Variants in DGKB observed in about 807,000 individuals in gnomAD.
DGKB encodes the protein diacylglycerol kinase beta, also known as 90 kDa diacylglycerol kinase.
A neutral mutation model predicts 114.3 loss-of-function variants in DGKB; 67 were observed. That is an observed-to-expected ratio of 0.59 (90% CI 0.48 to 0.72). The LOEUF is 0.72. Among genes scored for constraint, DGKB ranks in the 30% least tolerant of loss-of-function variants. The pLI, the probability that DGKB is intolerant of heterozygous loss-of-function variation, is 0.00. For synonymous variants in DGKB, 398 were observed against 323.1 expected (o/e 1.23, Z -2.49); for missense variants, 907 against 975.2 (o/e 0.93, Z 0.93).
chr7:14,600,968 T>C (rs542220685), intron 17 of DGKB, among the ~76,000 whole-genome samples: 110 of 152,218 alleles, frequency 7.2e-4, no homozygotes, highest in Non-Finnish European at 5.3e-4. Context: ...CACTAGGCAT[T>C]GTCCTAGTGG....
chr7:14,810,257 A>G (rs191680465), intron 2 of DGKB, among the ~76,000 whole-genome samples: 66 of 152,308 alleles, frequency 4.3e-4, no homozygotes, highest in Non-Finnish European at 4.4e-5. Flanking sequence ...CAAGTGACCT[A>G]TTGTCTAGTT....
At chr7:14,505,956 T>A (rs1786982487) in intron 20 of DGKB, among the ~76,000 whole-genome samples, 1 of 152,170 alleles carries the variant, frequency 6.6e-6, no homozygotes, top group Admixed American at 6.5e-5. Flanking sequence ...TACCCAGATT[T>A]TTTTTTATAA....
rs972428308 is a variant in DGKB at position 14,968,131 on chromosome 7, T to C, written c.-188+6565A>G. 2.6e-5 allele frequency among the ~76,000 whole-genome samples: 4 copies of C among 152,262 alleles called. No homozygotes were observed. The East Asian group carries it at 7.7e-4, about 29-fold the overall frequency. On this transcript the variant is annotated intron_variant, in intron 1 of 4. Transcript: ENST00000437998. Reference sequence around the variant, plus strand: ...ATTTATATGATCCTCTTTACATCTTTTTATCTCAAGACAAGTTTGATCTTT... The same window carrying C: ...ATTTATATGATCCTCTTTACATCTTCTTATCTCAAGACAAGTTTGATCTTT...
At chr7:14,313,098 A>G (rs1216985906) in intron 23 of DGKB, among the ~76,000 whole-genome samples, 1 of 152,240 alleles carries the variant, frequency 6.6e-6, no homozygotes, top group East Asian at 1.9e-4. Flanking sequence ...TCACATTGCA[A>G]GTAACCTTTA....
chr7:14,268,712 A>T (rs1797871635), intron 23 of DGKB, among the ~76,000 whole-genome samples: 1 of 152,180 alleles, frequency 6.6e-6, no homozygotes, highest in Non-Finnish European at 1.5e-5. Context: ...TTGGCTTAGC[A>T]ATTTAATCTA....
At chr7:14,211,473 CTCTCATGTTTTGTGATATTTACTCTCAT>C (rs1787892581) in intron 23 of DGKB, among the ~76,000 whole-genome samples, 1 of 54,656 alleles carries the variant, frequency 1.8e-5, no homozygotes, top group Non-Finnish European at 3.1e-5. Flanking sequence ...TGTGATTTTA[CTCTCATGTTTTGTGATATTTACTCTCAT>C]GTTTTGTGAT....
chr7:14,896,750 A>T (rs373201934), intron 1 of DGKB, among the ~76,000 whole-genome samples: 1 of 151,834 alleles, frequency 6.6e-6, no homozygotes, highest in Non-Finnish European at 1.5e-5. Flanking sequence ...AATTCATCCA[A>T]ATAGTAAGGA....
At chr7:14,890,088 T>C (rs1780949438) in intron 1 of DGKB, among the ~76,000 whole-genome samples, 2 of 151,552 alleles carry the variant, frequency 1.3e-5, no homozygotes, top group Admixed American at 1.3e-4. Context: ...TTTCATTCCA[T>C]ACAGTTTTCA....
Position 14,951,601 on chromosome 7 carries a change from T to C in DGKB, c.-188+23095A>G, listed in dbSNP as rs188430646. On this transcript the variant is annotated intron_variant, in intron 1 of 4. Coordinates refer to the DGKB transcript ENST00000437998. The stretch of plus-strand genomic sequence containing the variant: ...AATAGTGAATACATATCATTATATA[T>C]TTGTCAAAACCAAAAGAATGTACAA... Among the ~76,000 whole-genome samples, 47 of 152,046 alleles carry C rather than the reference T, an allele frequency of 3.1e-4. 1 individual carries two copies. Among genetic ancestry groups the C allele is most frequent in the African/African-American group, 1.1e-3 (46 of 41,502 alleles).
chr7:14,740,524 T>G lies in DGKB; in HGVS notation c.169-4330A>C, dbSNP rs531152498. ...ATTTGGCTTATGACAAGGAGGCAATTCTTTTGTCCCAAACTCAATTCCAAG... is the reference window on the plus strand; with the variant it reads ...ATTTGGCTTATGACAAGGAGGCAATGCTTTTGTCCCAAACTCAATTCCAAG... On this transcript the variant is annotated intron_variant, in intron 4 of 25. Transcript: ENST00000402815. 2.6e-5 allele frequency among the ~76,000 whole-genome samples: 4 copies of G among 152,298 alleles called. No individual in the cohort carries two copies. The South Asian group carries it at 8.3e-4, about 32-fold the overall frequency.
chr7:14,847,107 G>A (rs1860583), intron 1 of DGKB, among the ~76,000 whole-genome samples: 48,175 of 151,798 alleles, frequency 0.32, 9,646 homozygotes, highest in Non-Finnish European at 0.44. Context: ...TGGCTAACAC[G>A]GTGAAACCCC....
At position 14,147,941 on chromosome 7, in the gene DGKB, G is replaced by A. The variant is rs1781657006; in HGVS notation, c.*1190C>T. On this transcript the variant is annotated 3_prime_UTR_variant, in exon 26 of 26. Transcript: ENST00000402815. ...ATGTCATAAAGATGGGAGTGGAGTA[G>A]GTGAGGAGGAGGGAGCTAATTGCAT... 1 of 152,110 alleles carries A rather than the reference G, an allele frequency of 6.6e-6. No individual in the cohort carries two copies. The highest frequency in any genetic ancestry group is 1.9e-4 in the East Asian group (1 of 5,186). 9.4% of individuals were successfully genotyped at this position (152,110 alleles called of 1,614,324 possible).
chr7:14,646,331 T>C (rs993073113), intron 13 of DGKB, among the ~76,000 whole-genome samples: 2 of 152,094 alleles, frequency 1.3e-5, no homozygotes, highest in Admixed American at 6.6e-5. Flanking sequence ...ATAACAATTA[T>C]AGAAAAGTAA....
At chr7:14,448,947 G>A (rs778418526) in intron 21 of DGKB, among the ~76,000 whole-genome samples, 1 of 152,106 alleles carries the variant, frequency 6.6e-6, no homozygotes, top group African/African-American at 2.4e-5. Context: ...ATTTTCAGCA[G>A]TATGAGCATG....
intron 6 of DGKB, among the ~76,000 whole-genome samples, chr7:14,708,635 G>T (rs937521820): frequency 2.0e-5 from 3 of 151,500 alleles, no homozygotes; most frequent in South Asian, 2.1e-4. Flanking sequence ...CAATGGAACA[G>T]AACAGAGCCC....
At chr7:14,797,712 T>C (rs1269165129) in intron 2 of DGKB, among the ~76,000 whole-genome samples, 5 of 152,086 alleles carry the variant, frequency 3.3e-5, no homozygotes, top group Non-Finnish European at 7.4e-5. Flanking sequence ...GAGCTTGTTC[T>C]ATCCTGTAGT....
At chr7:14,618,139 C>T (rs62445612) in intron 15 of DGKB, among the ~76,000 whole-genome samples, 2,462 of 150,572 alleles carry the variant, frequency 0.016, 31 homozygotes, top group Non-Finnish European at 0.023. Context: ...CACACACACA[C>T]GTACACACAC....
At chr7:14,492,132 T>C (rs1040692795) in intron 20 of DGKB, among the ~76,000 whole-genome samples, 3 of 152,114 alleles carry the variant, frequency 2.0e-5, no homozygotes, top group African/African-American at 7.2e-5. Context: ...ATTGTGTATC[T>C]AGAAAAAAAT....
intron 21 of DGKB, among the ~76,000 whole-genome samples, chr7:14,422,953 G>T (rs1399957573): frequency 6.6e-6 from 1 of 151,892 alleles, no homozygotes; most frequent in Non-Finnish European, 1.5e-5. Flanking sequence ...TTTTGCTAGG[G>T]AAACTAGGCT....
Sources: allele counts gnomAD v4.1 joint callset (sites outside exome capture counted in the v4.1 genomes callset), GRCh38; gene constraint gnomAD v4.1.1; transcripts MANE v1.5; gene names NCBI Gene and HGNC (gene_info 2026-07-23, HGNC 2026-07-21).